C1orf87: variants seen among roughly 807,000 people sequenced by gnomAD.
C1orf87 encodes uncharacterized protein C1orf87.
Under a neutral mutation model 60.5 loss-of-function variants are expected in C1orf87, and 58 were observed. The ratio of observed to expected loss-of-function variants is 0.96; its 90% confidence interval spans 0.78 to 1.19. C1orf87 has a LOEUF of 1.19. Ranked by LOEUF, C1orf87 falls within the 50% of genes most tolerant of loss-of-function variation. The pLI, the probability that C1orf87 is intolerant of heterozygous loss-of-function variation, is 0.00. For synonymous variants in C1orf87, 236 were observed against 227.4 expected (o/e 1.04, Z -0.34); for missense variants, 673 against 638.6 (o/e 1.05, Z -0.58).
chr1:60,054,884 C>T (rs998477679), intron 3 of C1orf87, among the ~76,000 whole-genome samples: 4 of 152,116 alleles, frequency 2.6e-5, no homozygotes, highest in East Asian at 1.9e-4. Flanking sequence ...CCCTCCAACA[C>T]GCCCCAACTT....
intron 11 of C1orf87, among the ~76,000 whole-genome samples, chr1:59,992,557 T>G (rs976637563): frequency 4.6e-5 from 7 of 152,134 alleles, no homozygotes; most frequent in African/African-American, 1.7e-4. Context: ...GCCTGGCCTC[T>G]TTTACTCTCC....
intron 2 of C1orf87, among the ~76,000 whole-genome samples, chr1:60,064,781 A>AT (rs1304969153): frequency 2.1e-5 from 2 of 93,872 alleles, no homozygotes; most frequent in Non-Finnish European, 3.7e-5. Context: ...TTTAATATAT[A>AT]AATATATATT....
intron 3 of C1orf87, among the ~76,000 whole-genome samples, chr1:60,054,909 CAACACTGAGT>C (rs2100318773): frequency 6.6e-6 from 1 of 152,210 alleles, no homozygotes; most frequent in East Asian, 1.9e-4. Flanking sequence ...TGTATAGTAA[CAACACTGAGT>C]ATCACTGAGC....
At chr1:60,031,780 T>A (rs1432899726) in intron 7 of C1orf87, among the ~76,000 whole-genome samples, 2 of 152,198 alleles carry the variant, frequency 1.3e-5, no homozygotes, top group East Asian at 3.8e-4. Context: ...ATTCTATGAG[T>A]ATCATCTGAG....
intron 7 of C1orf87, among the ~76,000 whole-genome samples, chr1:60,025,730 G>A (rs1645194448): frequency 6.6e-6 from 1 of 152,098 alleles, no homozygotes. Flanking sequence ...TGACACAGAG[G>A]TATATTTCAT....
intron 11 of C1orf87, among the ~76,000 whole-genome samples, chr1:59,992,115 C>T (rs1221729440): frequency 6.6e-6 from 1 of 152,054 alleles, no homozygotes; most frequent in African/African-American, 2.4e-5. Context: ...TAACCCATTT[C>T]ACAGAGGGCA....
At chr1:60,013,303 C>T (rs1288356018) in intron 8 of C1orf87, among the ~76,000 whole-genome samples, 1 of 151,938 alleles carries the variant, frequency 6.6e-6, no homozygotes, top group Admixed American at 6.6e-5. Context: ...ATCTACTATC[C>T]TCATTTTCTT....
chr1:60,057,295 G>A lies in C1orf87; in HGVS notation c.108-1857C>T, dbSNP rs138954861. Among the ~76,000 whole-genome samples, 24 of 152,258 alleles carry A rather than the reference G, an allele frequency of 1.6e-4. No homozygotes were observed. The East Asian group carries it at 4.2e-3, about 27-fold the overall frequency. ...TCTTGGTATAGGGAGTTGCAATGAG[G>A]TAATGTAGGTGGATGCTAGACTGAA... On this transcript the variant is annotated intron_variant, in intron 2 of 11. Coordinates refer to ENST00000371201, the MANE Select transcript of C1orf87 (RefSeq NM_152377.3).
chr1:60,043,480 C>G (rs941014159), intron 3 of C1orf87, among the ~76,000 whole-genome samples: 9 of 152,144 alleles, frequency 5.9e-5, no homozygotes, highest in Middle Eastern at 3.4e-3. Context: ...CTTCTGGGTT[C>G]AAGAGATTTT....
At chr1:60,071,388 T>C (rs641317) in intron 2 of C1orf87, among the ~76,000 whole-genome samples, 39,419 of 152,056 alleles carry the variant, frequency 0.26, 5,368 homozygotes, top group South Asian at 0.41. Flanking sequence ...TGTTAATTCA[T>C]TTTCCCAATG....
chr1:60,007,089 A>T (rs1485742682), intron 9 of C1orf87, among the ~76,000 whole-genome samples: 1 of 151,738 alleles, frequency 6.6e-6, no homozygotes, highest in Non-Finnish European at 1.5e-5. Context: ...TTTCTTTATT[A>T]TTTGTAGAGA....
intron 11 of C1orf87, among the ~76,000 whole-genome samples, chr1:59,992,227 TTTATTTA>T (rs1557452012): frequency 0.018 from 1,658 of 89,874 alleles, 31 homozygotes; most frequent in African/African-American, 0.057. Flanking sequence ...TAGGGGTCTA[TTTATTTA>T]TTTATTTATT....
In C1orf87 at chr1:60,025,472, T is replaced by A; in HGVS notation, c.1056A>T (p.Gly352=). Residue 352 remains glycine, a synonymous_variant, in exon 8 of 12, where the codon GGA becomes GGT. Coordinates refer to ENST00000371201, the MANE Select transcript of C1orf87 (RefSeq NM_152377.3). ...PKVRAICGKH[G]LYLTLSLLET... ...CCAGCAGGCTCAGGGTCAGATATAATCCATGCTTCCCACATATAGCCCTGA... is the reference window on the plus strand; with the variant it reads ...CCAGCAGGCTCAGGGTCAGATATAAACCATGCTTCCCACATATAGCCCTGA... The A allele has an allele frequency of 6.2e-7, 1 of 1,612,984 alleles. No homozygotes were observed. Among genetic ancestry groups the A allele is most frequent in the Non-Finnish European group, 8.5e-7 (1 of 1,179,490 alleles).
chr1:59,997,630 G>A lies in C1orf87; in HGVS notation c.1459C>T (p.Leu487=), dbSNP rs764263654. ...RFRKLENALY[L]CDLSNTGVLE... is the part of the protein sequence containing the mutation. The stretch of plus-strand genomic sequence containing the variant: ...TCACCTGTGTTACTCAGATCACACA[G>A]GTAGAGGGCATTTTCCAGCTTCCTG... Residue 487 remains leucine, a synonymous_variant, in exon 11 of 12, where the codon CTG becomes TTG. Coordinates refer to ENST00000371201, the MANE Select transcript of C1orf87 (RefSeq NM_152377.3). The A allele has an allele frequency of 3.1e-6, 5 of 1,613,878 alleles. No individual in the cohort carries two copies. In the African/African-American group the frequency reaches 4.0e-5, roughly 13 times the overall value.
At chr1:60,010,621 A>T (rs1461631636) in intron 8 of C1orf87, among the ~76,000 whole-genome samples, 165 bp from the exon 9 acceptor site, 1 of 152,008 alleles carries the variant, frequency 6.6e-6, no homozygotes, top group Non-Finnish European at 1.5e-5. Context: ...TATCTTTATT[A>T]AAAAGGGCTT....
Position 59,990,470 on chromosome 1 carries a change from C to A in C1orf87, c.*203G>T. The A allele has an allele frequency of 2.3e-6, 1 of 438,430 alleles. No individual in the cohort carries two copies. The highest frequency in any genetic ancestry group is 2.0e-5 in the African/African-American group (1 of 50,132). The allele number at this position is 438,430 out of a possible 1,614,324, so 27.2% of individuals were successfully genotyped here. ...GTTCTTGCCACATCAAAAGATAAAACTAGGTTTCCTCTGATCACTTTGAAC... is the reference window on the plus strand; with the variant it reads ...GTTCTTGCCACATCAAAAGATAAAAATAGGTTTCCTCTGATCACTTTGAAC... On this transcript the variant is annotated 3_prime_UTR_variant, in exon 12 of 12. Coordinates refer to ENST00000371201, the MANE Select transcript of C1orf87 (RefSeq NM_152377.3).
At chr1:60,039,834 C>T in intron 5 of C1orf87, 83 bp downstream of exon 5, 1 of 1,431,106 alleles carries the variant, frequency 7.0e-7, no homozygotes, top group Non-Finnish European at 9.5e-7. Context: ...AAGAAAGTAG[C>T]TAACTTCTTA....
chr1:60,013,548 G>A (rs1645103982), intron 8 of C1orf87, among the ~76,000 whole-genome samples: 1 of 151,790 alleles, frequency 6.6e-6, no homozygotes, highest in Admixed American at 6.6e-5. Flanking sequence ...TAGAGGACAT[G>A]GCTTCTTATA....
chr1:60,070,096 TG>T (rs1408426748), intron 2 of C1orf87, among the ~76,000 whole-genome samples: 1 of 152,166 alleles, frequency 6.6e-6, no homozygotes, highest in East Asian at 1.9e-4. Context: ...TTCAGACCTC[TG>T]GCCTCTAGAA....
Sources: allele counts gnomAD v4.1 joint callset (sites outside exome capture counted in the v4.1 genomes callset), GRCh38; gene constraint gnomAD v4.1.1; transcripts MANE v1.5; gene names NCBI Gene and HGNC (gene_info 2026-07-23, HGNC 2026-07-21).